The following MAT2A variants were observed in gnomAD, a reference collection of about 807,000 sequenced individuals.
MAT2A encodes the protein S-adenosylmethionine synthase isoform type-2.
Under a neutral mutation model 43.9 loss-of-function variants are expected in MAT2A, and 3 were observed. That is an observed-to-expected ratio of 0.07 (90% CI 0.03 to 0.18). The LOEUF (loss-of-function observed/expected upper bound fraction) is 0.18, where lower values mean the gene tolerates loss of function less well. MAT2A is among the 10% of genes least tolerant of loss of function. The pLI is 1.00. For missense variants in MAT2A, 204 were observed against 489.0 expected (o/e 0.42, Z 5.50); for synonymous variants, 200 against 168.4 (o/e 1.19, Z -1.45).
chr2:85,542,880 AC>A lies in MAT2A; in HGVS notation c.952-20del. On this transcript the variant is annotated intron_variant, in intron 7 of 8. Transcript: ENST00000306434. ...TGGGTCTTTGCAATCACTGATTCTT[AC>A]GACATTTGAATCCTTTTAGGTCTCT... 1.9e-6 allele frequency: 3 copies of A among 1,606,484 alleles called. No individual in the cohort carries two copies. Among genetic ancestry groups the A allele is most frequent in the Non-Finnish European group, 2.5e-6 (3 of 1,176,628 alleles).
chr2:85,543,011 T>C lies in MAT2A; in HGVS notation c.1062T>C (p.Asp354=), dbSNP rs749130102. ...ELLEIVKKNF[D]LRPGVIVRDL... ...TAGAGATTGTGAAGAAGAATTTCGA[T>C]CTCCGCCCTGGGGTCATTGTCAGGT... is the stretch of plus-strand genomic sequence containing the variant. The change falls in exon 8 of 9, where the codon GAT becomes GAC. Residue 354 remains aspartate (D), a synonymous_variant. Coordinates refer to ENST00000306434, the MANE Select transcript of MAT2A (RefSeq NM_005911.6). 4.3e-6 allele frequency: 7 copies of C among 1,612,784 alleles called. No individual in the cohort carries two copies. In the African/African-American group the frequency reaches 8.0e-5, roughly 18 times the overall value.
rs753508118 is a variant in MAT2A at position 85,539,269 on chromosome 2, T to TC, written c.-17dup. 6.3e-7 allele frequency: 1 copy of TC among 1,593,382 alleles called. No individual in the cohort carries two copies. The highest frequency in any genetic ancestry group is 1.4e-5 in the African/African-American group (1 of 73,454). ...GCCGCTGCTCCTTCGTAAGGCCACT[T>TC]CCGCACACCGACACCAACATGAACG... On this transcript the variant is annotated 5_prime_UTR_variant, in exon 1 of 9. Coordinates refer to ENST00000306434, the MANE Select transcript of MAT2A (RefSeq NM_005911.6).
rs1344621433 is a variant in MAT2A, at chr2:85,544,083, A to G, written c.*311A>G. ...TTGAACCTTTGTGCCCTATCACCCA[A>G]CGCTCCAAAGTCATAATTGCATTGA... On this transcript the variant is annotated 3_prime_UTR_variant, in exon 9 of 9. Transcript: ENST00000306434. 6 of 197,632 alleles carry G rather than the reference A, an allele frequency of 3.0e-5. No individual in the cohort carries two copies. Among genetic ancestry groups the G allele is most frequent in the Middle Eastern group, 1.9e-3 (1 of 520 alleles). 12.2% of individuals were successfully genotyped at this position (197,632 alleles called of 1,614,324 possible). A position where few individuals can be genotyped will look rare whatever the true frequency, so the allele number is the denominator to read the frequency against.
chr2:85,544,436 A>C lies in MAT2A; in HGVS notation c.*664A>C, dbSNP rs1691560860. The C allele has an allele frequency of 1.3e-5, 2 of 152,632 alleles. No individual in the cohort carries two copies. The highest frequency in any genetic ancestry group is 1.3e-4 in the Admixed American group (2 of 15,284). 9.5% of individuals were successfully genotyped at this position (152,632 alleles called of 1,614,324 possible). ...CTTATGCTCTTAATTGCCACCTCTAACAGCACCAAATCAAAATCTCTCCAC... is the reference window on the plus strand; with the variant it reads ...CTTATGCTCTTAATTGCCACCTCTACCAGCACCAAATCAAAATCTCTCCAC... On this transcript the variant is annotated 3_prime_UTR_variant, in exon 9 of 9. Coordinates refer to ENST00000306434, the MANE Select transcript of MAT2A (RefSeq NM_005911.6).
chr2:85,540,083 A>C (rs901699626), intron 1 of MAT2A: 1 of 152,232 alleles, frequency 6.6e-6, no homozygotes, highest in African/African-American at 2.4e-5. Context: ...GGGAAGCATG[A>C]ATTAGGAGCT....
intron 7 of MAT2A, 67 bp from the exon 8 acceptor site, chr2:85,542,834 C>T (rs1312722003): frequency 1.0e-5 from 16 of 1,570,566 alleles, no homozygotes; most frequent in African/African-American, 2.7e-5. Context: ...TTGTTTTATA[C>T]CAACGTATTA....
Position 85,542,913 on chromosome 2 carries a change from A to G in MAT2A, c.964A>G (p.Ile322Val), listed in dbSNP as rs1366617627. 2 of 1,613,538 alleles carry G rather than the reference A, an allele frequency of 1.2e-6. No individual in the cohort carries two copies. Among genetic ancestry groups the G allele is most frequent in the Middle Eastern group, 1.7e-4 (1 of 5,948 alleles). Residue 322 changes from isoleucine to valine, a missense_variant, in exon 8 of 9, where the codon ATT becomes GTT. By Grantham distance (29) the Ile-to-Val change is conservative. Transcript: ENST00000306434. ...RRVLVQVSYA[I>V]GVSHPLSISI... ...TGAATCCTTTTAGGTCTCTTATGCT[A>G]TTGGAGTTTCTCATCCATTATCTAT... is the stretch of plus-strand genomic sequence containing the variant.
chr2:85,541,120 T>C lies in MAT2A; in HGVS notation c.129T>C (p.Asp43=). The change falls in exon 2 of 9, where the codon GAT becomes GAC. Residue 43 remains aspartate, a synonymous_variant. Coordinates refer to ENST00000306434, the MANE Select transcript of MAT2A (RefSeq NM_005911.6). ...ICDQISDAVL[D]AHLQQDPDAK... is the part of the protein sequence containing the mutation. ...ACCAAATCAGTGATGCTGTCCTTGA[T>C]GCCCACCTTCAGCAGGATCCTGATG... The C allele has an allele frequency of 1.2e-6, 2 of 1,613,854 alleles. No homozygotes were observed. Among genetic ancestry groups the C allele is most frequent in the Non-Finnish European group, 1.7e-6 (2 of 1,179,760 alleles).
intron 7 of MAT2A, 22 bp from the exon 8 acceptor site, chr2:85,542,879 T>C: frequency 6.2e-7 from 1 of 1,606,676 alleles, no homozygotes; most frequent in Non-Finnish European, 8.5e-7. Flanking sequence ...CACTGATTCT[T>C]ACGACATTTG....
chr2:85,540,427 T>TA (rs750654304), intron 1 of MAT2A, among the ~76,000 whole-genome samples: 2 of 152,338 alleles, frequency 1.3e-5, no homozygotes, highest in East Asian at 1.9e-4. Flanking sequence ...GGTTAGCTGT[T>TA]ACACCAGTTA....
rs1573308038 is a variant in MAT2A at position 85,541,361 on chromosome 2, T to C, written c.276T>C (p.Tyr92=). 2 of 1,613,072 alleles carry C rather than the reference T, an allele frequency of 1.2e-6. No individual in the cohort carries two copies. Among genetic ancestry groups the C allele is most frequent in the Non-Finnish European group, 8.5e-7 (1 of 1,179,858 alleles). Residue 92 remains tyrosine (Y), a synonymous_variant, in exon 3 of 9, where the codon TAT becomes TAC. Transcript: ENST00000306434. ...GTGAAGCTGTTAAACACATTGGATATGATGATTCTTCCAAAGGTGTGTTTT... is the reference window on the plus strand; with the variant it reads ...GTGAAGCTGTTAAACACATTGGATACGATGATTCTTCCAAAGGTGTGTTTT... ...VVREAVKHIG[Y]DDSSKGFDYK...
In MAT2A at chr2:85,544,424, T is replaced by G. The variant is rs1691560581; in HGVS notation, c.*652T>G. ...ATCTCCCTGGTGCTTATGCTCTTAATTGCCACCTCTAACAGCACCAAATCA... is the reference window on the plus strand; with the variant it reads ...ATCTCCCTGGTGCTTATGCTCTTAAGTGCCACCTCTAACAGCACCAAATCA... On this transcript the variant is annotated 3_prime_UTR_variant, in exon 9 of 9. Coordinates refer to ENST00000306434, the MANE Select transcript of MAT2A (RefSeq NM_005911.6). The G allele has an allele frequency of 6.5e-6, 1 of 152,688 alleles. No individual in the cohort carries two copies. The highest frequency in any genetic ancestry group is 2.4e-5 in the African/African-American group (1 of 41,458). The allele number at this position is 152,688 out of a possible 1,614,324, so 9.5% of individuals were successfully genotyped here.
At chr2:85,541,584 A>G (rs1460907720) in intron 3 of MAT2A, 49 bp from the exon 4 acceptor site, 3 of 1,430,964 alleles carry the variant, frequency 2.1e-6, no homozygotes, top group Non-Finnish European at 2.9e-6. Flanking sequence ...TGCTGTAAAC[A>G]GCAGGTATTT....
chr2:85,543,974 G>A lies in MAT2A; in HGVS notation c.*202G>A, dbSNP rs1691543715. ...TTGCTATTCTGTCCCTAGGTGTTTTGTTCACCATTATAATGAATTTAGTGA... is the reference window on the plus strand; with the variant it reads ...TTGCTATTCTGTCCCTAGGTGTTTTATTCACCATTATAATGAATTTAGTGA... On this transcript the variant is annotated 3_prime_UTR_variant, in exon 9 of 9. Transcript: ENST00000306434. The A allele has an allele frequency of 2.0e-6, 1 of 494,918 alleles. No individual in the cohort carries two copies. Among genetic ancestry groups the A allele is most frequent in the African/African-American group, 2.0e-5 (1 of 50,748 alleles). 30.7% of individuals were successfully genotyped at this position (494,918 alleles called of 1,614,324 possible).
intron 1 of MAT2A, chr2:85,539,626 A>T (rs976962874): frequency 1.2e-4 from 43 of 368,774 alleles, no homozygotes; most frequent in African/African-American, 9.2e-4. Flanking sequence ...GCGCCTAGGC[A>T]TGCGGAAGGT....
At position 85,542,359 on chromosome 2, in the gene MAT2A, A is replaced by C; in HGVS notation, c.754A>C (p.Ile252Leu). The stretch of plus-strand genomic sequence containing the variant: ...CCTACAGCCAAGTGGCAGATTTGTT[A>C]TTGGTGGGCCTCAGGTAATGTCATT... ...YHLQPSGRFV[I>L]GGPQGDAGLT... Residue 252 changes from isoleucine to leucine, a missense_variant, in exon 6 of 9, where the codon ATT becomes CTT. Ile to Leu is a conservative substitution (Grantham distance 5). This residue lies in a region of MAT2A where 103 missense variants were observed against 226.4 expected (regional missense o/e 0.45). Transcript: ENST00000306434. 1 of 1,614,024 alleles carries C rather than the reference A, an allele frequency of 6.2e-7. No individual in the cohort carries two copies. Among genetic ancestry groups the C allele is most frequent in the Non-Finnish European group, 8.5e-7 (1 of 1,179,934 alleles).
At position 85,545,274 on chromosome 2, in the gene MAT2A, A is replaced by G. The variant is rs1190813876; in HGVS notation, c.*1502A>G. ...AGATCTAAATAAAATGCTAGGTTCT[A>G]CCTTAACTGTGTCTGTTACTCATTT... On this transcript the variant is annotated 3_prime_UTR_variant, in exon 9 of 9. Coordinates refer to ENST00000306434, the MANE Select transcript of MAT2A (RefSeq NM_005911.6). 4 of 152,624 alleles carry G rather than the reference A, an allele frequency of 2.6e-5. No individual in the cohort carries two copies. Among genetic ancestry groups the G allele is most frequent in the African/African-American group, 7.2e-5 (3 of 41,448 alleles). 9.5% of individuals were successfully genotyped at this position (152,624 alleles called of 1,614,324 possible).
chr2:85,541,218 A>G (rs968192269), intron 2 of MAT2A, 37 bp from the exon 3 acceptor site: 3 of 1,611,964 alleles, frequency 1.9e-6, no homozygotes, highest in Non-Finnish European at 2.5e-6. Context: ...TTATTTTTAT[A>G]GAAGTGATGT....
Position 85,542,547 on chromosome 2 carries a change from T to TAA in MAT2A, c.769-16_769-15dup, listed in dbSNP as rs752028308. ...GGAAAGCACTAGGCGTAAAGTAACT[T>TAA]AAATCCTGTAATTTCAGGGTGATGC... On this transcript the variant is annotated splice_polypyrimidine_tract_variant and intron_variant, in intron 6 of 8. Transcript: ENST00000306434. The TAA allele has an allele frequency of 6.2e-7, 1 of 1,611,412 alleles. No homozygotes were observed. Among genetic ancestry groups the TAA allele is most frequent in the Admixed American group, 1.7e-5 (1 of 59,882 alleles).
Sources: allele counts gnomAD v4.1 joint callset (sites outside exome capture counted in the v4.1 genomes callset), GRCh38; gene constraint gnomAD v4.1.1; regional missense constraint gnomAD v4.1.1; transcripts MANE v1.5; gene names NCBI Gene and HGNC (gene_info 2026-07-23, HGNC 2026-07-21).